The following TCOF1 variants were observed in gnomAD, a reference collection of about 807,000 sequenced individuals.
The protein encoded by TCOF1 is treacle protein.
TCOF1 carries 33 observed loss-of-function variants against 149.0 expected under a neutral mutation model. That is an observed-to-expected ratio of 0.22 (90% CI 0.17 to 0.30). The LOEUF is 0.30. TCOF1 is among the 10% of genes least tolerant of loss of function. The pLI is 1.00. For missense variants in TCOF1, 1,728 were observed against 1,840.7 expected (o/e 0.94, Z 1.12); for synonymous variants, 789 against 738.8 (o/e 1.07, Z -1.10).
rs145992902 is a variant in TCOF1 at position 150,385,633 on chromosome 5, G to GC, written c.2860-2264dup. ...CCAGGGTCCGCAGCCTAGGCCATCA[G>GC]CCCCCTCTCCCCACTCTGTGACTTG... is the stretch of plus-strand genomic sequence containing the variant. On this transcript the variant is annotated intron_variant, in intron 17 of 26. Coordinates refer to ENST00000643257, the MANE Select transcript of TCOF1 (RefSeq NM_001371623.1). 6.1e-3 allele frequency among the ~76,000 whole-genome samples: 935 copies of GC among 152,306 alleles called. 12 individuals are homozygous for GC. The highest frequency in any genetic ancestry group is 0.02 in the African/African-American group (824 of 41,542).
chr5:150,364,277 C>G, intron 3 of TCOF1, 25 bp downstream of exon 3: 1 of 1,613,916 alleles, frequency 6.2e-7, no homozygotes, highest in Non-Finnish European at 8.5e-7. Context: ...GCTTTGGGAA[C>G]AGGCTATGGA....
intron 17 of TCOF1, chr5:150,382,944 G>A (rs1765525148): frequency 1.3e-6 from 1 of 761,690 alleles, no homozygotes; most frequent in Non-Finnish European, 2.1e-6. Flanking sequence ...TGCAGGAAGG[G>A]GCCACGCTGC....
chr5:150,384,077 G>A (rs1765781090), intron 17 of TCOF1: 3 of 1,297,058 alleles, frequency 2.3e-6, no homozygotes, highest in Non-Finnish European at 2.9e-6. Flanking sequence ...CTGGAGTTCT[G>A]CAACCTCCAG....
chr5:150,398,467 GGT>G lies in TCOF1; in HGVS notation c.4443+19_4443+20del. On this transcript the variant is annotated intron_variant, in intron 25 of 26. Coordinates refer to ENST00000643257, the MANE Select transcript of TCOF1 (RefSeq NM_001371623.1). The stretch of plus-strand genomic sequence containing the variant: ...GAAGAAAAAGGTAGAGAGTTCCTGG[GGT>G]GTCTCAGGCCAGAAAACAGACCCAA... 1 of 1,614,008 alleles carries G rather than the reference GGT, an allele frequency of 6.2e-7. No homozygotes were observed. The highest frequency in any genetic ancestry group is 1.1e-5 in the South Asian group (1 of 91,072).
chr5:150,388,085 C>T lies in TCOF1; in HGVS notation c.3043C>T (p.Pro1015Ser). 1 of 1,613,186 alleles carries T rather than the reference C, an allele frequency of 6.2e-7. No homozygotes were observed. The highest frequency in any genetic ancestry group is 8.5e-7 in the Non-Finnish European group (1 of 1,179,958). The part of the protein sequence containing the change: ...DVIPATQCLT[P>S]GIRTNVVTMP... Reference sequence around the variant, plus strand: ...GATCCCCGCTACACAGTGCTTGACTCCTGGTGAGCGCAGCCCTTATGCAGT... The same window carrying T: ...GATCCCCGCTACACAGTGCTTGACTTCTGGTGAGCGCAGCCCTTATGCAGT... The change falls in exon 18 of 27, where the codon CCT (proline) becomes TCT (serine). Residue 1015 changes from proline (P) to serine (S), a missense_variant. Physicochemically the swap from Pro to Ser is moderately conservative, Grantham distance 74 (BLOSUM62 -1). Coordinates refer to ENST00000643257, the MANE Select transcript of TCOF1 (RefSeq NM_001371623.1).
chr5:150,374,110 C>T, intron 7 of TCOF1, 64 bp from the exon 8 acceptor site: 2 of 1,536,804 alleles, frequency 1.3e-6, no homozygotes, highest in South Asian at 1.2e-5. Context: ...TGGACTTTAT[C>T]CTAAAGGCAT....
chr5:150,384,092 G>T (rs981979962), intron 17 of TCOF1: 10 of 1,238,890 alleles, frequency 8.1e-6, no homozygotes, highest in Non-Finnish European at 9.1e-6. Context: ...CTCCAGACCA[G>T]AGCGGTCTCA....
Position 150,393,499 on chromosome 5 carries a change from G to C in TCOF1, c.3731G>C (p.Gly1244Ala). 3.1e-6 allele frequency: 5 copies of C among 1,614,166 alleles called. No homozygotes were observed. Among genetic ancestry groups the C allele is most frequent in the Non-Finnish European group, 4.2e-6 (5 of 1,180,040 alleles). Reference protein sequence around the residue: ...STLAAKDDPDGKQEAKPQQAA... With the variant: ...STLAAKDDPDAKQEAKPQQAA... ...CTGGCCGCCAAAGATGACCCAGATG[G>C]CAAGCAGGAGGCAAAGCCCCAACAG... is the stretch of plus-strand genomic sequence containing the variant. The change falls in exon 23 of 27, where the codon GGC becomes GCC. Residue 1244 changes from glycine to alanine, a missense_variant. Gly to Ala is a moderately conservative substitution (Grantham distance 60, BLOSUM62 0). Transcript: ENST00000643257.
Position 150,375,918 on chromosome 5 carries a change from T to A in TCOF1, c.1893+9T>A. On this transcript the variant is annotated intron_variant, in intron 12 of 26. Transcript: ENST00000643257. ...CCATGACTGCAGCTCAGGTGAGGCC[T>A]GGGGAAGGAGGCTGCTACATGGCCT... 1 of 1,614,176 alleles carries A rather than the reference T, an allele frequency of 6.2e-7. No individual in the cohort carries two copies. The highest frequency in any genetic ancestry group is 8.5e-7 in the Non-Finnish European group (1 of 1,180,036).
intron 14 of TCOF1, 28 bp from the exon 15 acceptor site, chr5:150,378,877 C>T (rs1266194660): frequency 1.9e-6 from 3 of 1,613,830 alleles, no homozygotes; most frequent in Admixed American, 3.3e-5. Flanking sequence ...TCACCTTCTC[C>T]CTCCTTAATT....
At chr5:150,374,072 GA>G (rs1444944739) in intron 7 of TCOF1, 101 bp from the exon 8 acceptor site, 1 of 1,267,532 alleles carries the variant, frequency 7.9e-7, no homozygotes, top group East Asian at 2.5e-5. Flanking sequence ...GGAAGCAGGG[GA>G]GGTCTTAGGA....
chr5:150,373,490 G>A (rs1281495533), intron 7 of TCOF1, among the ~76,000 whole-genome samples: 1 of 152,218 alleles, frequency 6.6e-6, no homozygotes, highest in Non-Finnish European at 1.5e-5. Context: ...TTCTAGGGTT[G>A]TTGGCCCAGG....
At chr5:150,383,904 G>A (rs1157532477) in intron 17 of TCOF1, 2 of 1,523,628 alleles carry the variant, frequency 1.3e-6, no homozygotes, top group African/African-American at 1.4e-5. Context: ...GTACTCCAGA[G>A]GCCCAAGTCA....
At chr5:150,387,666 G>A (rs561577088) in intron 17 of TCOF1, among the ~76,000 whole-genome samples, 2 of 152,324 alleles carry the variant, frequency 1.3e-5, no homozygotes, top group South Asian at 2.1e-4. Context: ...CCTGCTGAAT[G>A]TAGGGCTTCA....
chr5:150,388,198 A>T (rs1271507857), intron 18 of TCOF1, 110 bp downstream of exon 18: 1 of 1,472,980 alleles, frequency 6.8e-7, no homozygotes, highest in Non-Finnish European at 9.3e-7. Flanking sequence ...GTTGGTCGGG[A>T]GGGGCTTGGG....
intron 3 of TCOF1, among the ~76,000 whole-genome samples, chr5:150,366,532 CCTTT>C (rs1439334004): frequency 2.6e-4 from 40 of 152,110 alleles, no homozygotes; most frequent in African/African-American, 9.4e-4. Flanking sequence ...CCTGGTTCTT[CCTTT>C]CTATTTACTA....
Position 150,374,946 on chromosome 5 carries a change from C to T in TCOF1, c.1279-8C>T, listed in dbSNP as rs1763396809. The stretch of plus-strand genomic sequence containing the variant: ...TGGGCTCTCCCCTCATCCTGTTTCT[C>T]ACTCCAGGCGAAGCCTTCAGGGAAG... On this transcript the variant is annotated splice_polypyrimidine_tract_variant and splice_region_variant and intron_variant, in intron 9 of 26. Coordinates refer to ENST00000643257, the MANE Select transcript of TCOF1 (RefSeq NM_001371623.1). The T allele has an allele frequency of 6.2e-7, 1 of 1,612,910 alleles. No homozygotes were observed. Among genetic ancestry groups the T allele is most frequent in the Non-Finnish European group, 8.5e-7 (1 of 1,179,742 alleles).
intron 8 of TCOF1, 104 bp from the exon 9 acceptor site, chr5:150,374,513 C>T: frequency 6.3e-7 from 1 of 1,576,822 alleles, no homozygotes. Context: ...ACTCCCCTCT[C>T]ACTGTGTGGC....
intron 23 of TCOF1, among the ~76,000 whole-genome samples, chr5:150,395,501 T>G (rs1581219876): frequency 6.6e-6 from 1 of 151,220 alleles, no homozygotes. Context: ...TGAGAGGCGG[T>G]GCGACAAGGA....
Sources: gnomAD v4.1 joint callset for allele counts (sites outside exome capture counted in the v4.1 genomes callset) on GRCh38, gnomAD v4.1.1 for gene constraint, MANE v1.5 for transcripts, NCBI Gene and HGNC (gene_info 2026-07-23, HGNC 2026-07-21) for gene names.